ADGRL3: variants seen among roughly 807,000 people sequenced by gnomAD.
The protein encoded by ADGRL3 is adhesion G protein-coupled receptor L3.
Under a neutral mutation model 153.5 loss-of-function variants are expected in ADGRL3, and 62 were observed. The ratio of observed to expected loss-of-function variants is 0.40; its 90% confidence interval spans 0.33 to 0.50. ADGRL3 has a LOEUF of 0.50. Among genes scored for constraint, ADGRL3 ranks in the 20% least tolerant of loss-of-function variants. The pLI is 0.47. For missense variants in ADGRL3, 1,641 were observed against 1,859.4 expected (o/e 0.88, Z 2.16); for synonymous variants, 710 against 672.5 (o/e 1.06, Z -0.86).
At chr4:62,023,205 C>T (rs1018295815) in intron 21 of ADGRL3, among the ~76,000 whole-genome samples, 3 of 152,094 alleles carry the variant, frequency 2.0e-5, no homozygotes, top group African/African-American at 7.2e-5. Context: ...GAAATAACTG[C>T]AGATGTGGTG....
chr4:62,049,057 A>G (rs1487010552), intron 25 of ADGRL3, among the ~76,000 whole-genome samples: 1 of 152,080 alleles, frequency 6.6e-6, no homozygotes, highest in East Asian at 1.9e-4. Flanking sequence ...TGTCATCACA[A>G]ATATTTTATC....
intron 2 of ADGRL3, among the ~76,000 whole-genome samples, chr4:61,469,290 G>A (rs1013411990): frequency 1.3e-5 from 2 of 152,080 alleles, no homozygotes; most frequent in Non-Finnish European, 2.9e-5. Context: ...CACCTGTAAA[G>A]TCAACTGATA....
intron 6 of ADGRL3, among the ~76,000 whole-genome samples, chr4:61,694,182 T>TA (rs2095596516): frequency 3.7e-4 from 2 of 5,356 alleles, no homozygotes; most frequent in African/African-American, 1.0e-3. Flanking sequence ...TGTCATTATT[T>TA]TTTTTTTTTT....
intron 10 of ADGRL3, 64 bp downstream of exon 10, chr4:61,893,022 T>C: frequency 1.8e-6 from 2 of 1,108,242 alleles, no homozygotes; most frequent in South Asian, 6.0e-5. Flanking sequence ...TTTCTAGTAT[T>C]CTTTTCCTTT....
intron 24 of ADGRL3, among the ~76,000 whole-genome samples, chr4:62,043,574 C>T (rs1340632643): frequency 6.6e-6 from 1 of 152,068 alleles, no homozygotes; most frequent in African/African-American, 2.4e-5. Flanking sequence ...GTATTTGGAA[C>T]ATAACCCATT....
intron 1 of ADGRL3, among the ~76,000 whole-genome samples, chr4:61,362,043 C>G (rs1211404185): frequency 6.7e-6 from 1 of 150,206 alleles, no homozygotes; most frequent in African/African-American, 2.4e-5. Context: ...TGCTCTGTCA[C>G]CCAGGCTGGA....
At chr4:61,743,324 C>CA (rs752363213) in intron 8 of ADGRL3, among the ~76,000 whole-genome samples, 1,313 of 50,096 alleles carry the variant, frequency 0.026, 27 homozygotes, top group South Asian at 0.034. Context: ...GACTCCATCT[C>CA]AAAAAAAAAA....
At chr4:62,053,798 A>G (rs2151788965) in intron 25 of ADGRL3, among the ~76,000 whole-genome samples, 1 of 151,692 alleles carries the variant, frequency 6.6e-6, no homozygotes, top group Non-Finnish European at 1.5e-5. Context: ...AAAAGATCAA[A>G]TTTTAGTCAC....
intron 3 of ADGRL3, among the ~76,000 whole-genome samples, chr4:61,506,896 GA>G (rs1021160005): frequency 6.6e-6 from 1 of 151,758 alleles, no homozygotes; most frequent in Non-Finnish European, 1.5e-5. Flanking sequence ...ATGATGTGAG[GA>G]AAAAACCTAA....
At chr4:61,856,306 A>G (rs2098262991) in intron 9 of ADGRL3, among the ~76,000 whole-genome samples, 1 of 143,550 alleles carries the variant, frequency 7.0e-6, no homozygotes, top group Non-Finnish European at 1.5e-5. Flanking sequence ...CCTTCCTTCC[A>G]TTCTTTATTT....
intron 5 of ADGRL3, among the ~76,000 whole-genome samples, chr4:61,625,275 C>T (rs1051193594): frequency 6.6e-6 from 1 of 151,724 alleles, no homozygotes; most frequent in Non-Finnish European, 1.5e-5. Flanking sequence ...TGGGGTAGGC[C>T]ATATTGCTCT....
chr4:62,005,735 A>T (rs1235983259), intron 21 of ADGRL3, among the ~76,000 whole-genome samples: 1 of 151,820 alleles, frequency 6.6e-6, no homozygotes, highest in Non-Finnish European at 1.5e-5. Context: ...GAAGAGTAAG[A>T]TTTCATAAGA....
intron 15 of ADGRL3, among the ~76,000 whole-genome samples, chr4:61,940,747 TCA>T (rs2098886801): frequency 4.3e-5 from 1 of 23,440 alleles, no homozygotes; most frequent in Non-Finnish European, 6.8e-5. Flanking sequence ...AAGTGTCTGT[TCA>T]TGTCCTTCGC....
chr4:61,292,295 G>A (rs568943676), intron 1 of ADGRL3, among the ~76,000 whole-genome samples: 14 of 151,982 alleles, frequency 9.2e-5, no homozygotes, highest in Non-Finnish European at 1.5e-4. Context: ...TTAATTTTGT[G>A]TGTTTACTTC....
intron 8 of ADGRL3, among the ~76,000 whole-genome samples, chr4:61,745,815 A>C (rs59974481): frequency 0.086 from 13,074 of 151,976 alleles, 1,192 homozygotes; most frequent in African/African-American, 0.23. Context: ...CGAGCAAAAT[A>C]ACCAGCTAAC....
chr4:61,258,075 T>C (rs571853019), intron 1 of ADGRL3, among the ~76,000 whole-genome samples: 1 of 152,284 alleles, frequency 6.6e-6, no homozygotes, highest in African/African-American at 2.4e-5. Flanking sequence ...TAAACCTTAG[T>C]GCAAGGACCT....
rs397993633 is a variant in ADGRL3, at chr4:61,392,684, C to CAAAAAAAAAAAAAAAAAAAAAAAAAA, written c.-174+9517_-174+9518insAAAAAAAAAAAAAAAAAAAAAAAAAA. Among the ~76,000 whole-genome samples, 17 of 13,378 alleles carry CAAAAAAAAAAAAAAAAAAAAAAAAAA rather than the reference C, an allele frequency of 1.3e-3. 3 individuals carry two copies. The highest frequency in any genetic ancestry group is 8.9e-3 in the South Asian group (1 of 112). 8.8% of individuals were successfully genotyped at this position (13,378 alleles called of 152,430 possible). A position where few individuals can be genotyped will look rare whatever the true frequency, so the allele number is the denominator to read the frequency against. ...CTGGTGACAGAGCGAGACTCCATCTCAAAAAAAAAAAAAAAAAAAAAAGAA... is the reference window on the plus strand; with the variant it reads ...CTGGTGACAGAGCGAGACTCCATCTCAAAAAAAAAAAAAAAAAAAAAAAAAAAAAAAAAAAAAAAAAAAAAAAAGAA... On this transcript the variant is annotated intron_variant, in intron 2 of 26. Transcript: ENST00000683033.
intron 9 of ADGRL3, among the ~76,000 whole-genome samples, chr4:61,878,246 A>T (rs1419759549): frequency 6.6e-6 from 1 of 152,186 alleles, no homozygotes; most frequent in Non-Finnish European, 1.5e-5. Flanking sequence ...AGTTACTTTT[A>T]TAAAAGCTCT....
chr4:61,586,945 A>G (rs1482573072), intron 4 of ADGRL3, among the ~76,000 whole-genome samples: 1 of 152,060 alleles, frequency 6.6e-6, no homozygotes, highest in Non-Finnish European at 1.5e-5. Flanking sequence ...AATCTGACAC[A>G]CTAGGCCAAG....
Sources: gnomAD v4.1 joint callset for allele counts (sites outside exome capture counted in the v4.1 genomes callset) on GRCh38, gnomAD v4.1.1 for gene constraint, MANE v1.5 for transcripts, NCBI Gene and HGNC (gene_info 2026-07-23, HGNC 2026-07-21) for gene names.